The following CEP290 variants were observed in gnomAD, a reference collection of about 807,000 sequenced individuals.
CEP290 encodes the protein centrosomal protein 290, also known as centrosomal protein of 290 kDa.
A neutral mutation model predicts 344.9 loss-of-function variants in CEP290; 317 were observed. That is an observed-to-expected ratio of 0.92 (90% confidence interval 0.84 to 1.01). CEP290 has a LOEUF of 1.01. Ranked by LOEUF, CEP290 falls within the 50% of genes least tolerant of loss-of-function variation. CEP290 has a pLI of 0.00. For synonymous variants in CEP290, 932 were observed against 895.8 expected (o/e 1.04, Z -0.72); for missense variants, 2,754 against 2,761.4 (o/e 1.00, Z 0.06).
rs779186037 is a variant in CEP290, at chr12:88,086,072, T to C, written c.4404A>G (p.Leu1468=). The C allele has an allele frequency of 1.2e-5, 20 of 1,612,644 alleles. No individual in the cohort carries two copies. The Admixed American group carries it at 1.3e-4, about 11-fold the overall frequency. ...RKIKENIRII[L]ETRATCKSLE... ...GTGATTTGCAAGTTGCCCGTGTTTC[T>C]AGAATTATTCGAATGTTCTCCTTAA... The change falls in exon 34 of 54, where the codon CTA becomes CTG. Residue 1468 remains leucine (L), a synonymous_variant. Coordinates refer to ENST00000552810, the MANE Select transcript of CEP290 (RefSeq NM_025114.4).
At chr12:88,097,416 A>C (rs961077324) in intron 26 of CEP290, among the ~76,000 whole-genome samples, 4 of 152,000 alleles carry the variant, frequency 2.6e-5, no homozygotes, top group African/African-American at 9.7e-5. Flanking sequence ...TCCGGCCACC[A>C]TGTGAAGAAA....
chr12:88,135,966 T>C (rs1030301571), intron 6 of CEP290: 2 of 152,002 alleles, frequency 1.3e-5, no homozygotes, highest in African/African-American at 4.8e-5. Flanking sequence ...AAATAGGAAA[T>C]TTTCTTCCAG....
intron 27 of CEP290, 86 bp from the exon 28 acceptor site, chr12:88,094,061 T>TC: frequency 1.9e-6 from 2 of 1,037,294 alleles, no homozygotes; most frequent in Non-Finnish European, 2.7e-6. Context: ...TTAGAAAGCA[T>TC]TATAGTTCCA....
chr12:88,103,039 T>G, intron 25 of CEP290, 28 bp from the exon 26 acceptor site: 1 of 1,445,352 alleles, frequency 6.9e-7, no homozygotes, highest in South Asian at 1.6e-5. Flanking sequence ...CACTGAGTTA[T>G]GCTGGTGTCT....
At chr12:88,061,410 G>A (rs2034471372) in intron 46 of CEP290, among the ~76,000 whole-genome samples, 2 of 151,972 alleles carry the variant, frequency 1.3e-5, no homozygotes, top group Admixed American at 1.3e-4. Flanking sequence ...ACATAATAGA[G>A]GCAATTTTCT....
chr12:88,054,417 T>A lies in CEP290; in HGVS notation c.6961-4A>T, dbSNP rs760630542. On this transcript the variant is annotated splice_region_variant and splice_polypyrimidine_tract_variant and intron_variant, in intron 50 of 53. Coordinates refer to ENST00000552810, the MANE Select transcript of CEP290 (RefSeq NM_025114.4). ...GAACATGTTTAAGAATCTTAATCTT[T>A]GAGGACAATGAAAAGTTAGAAGATA... The A allele has an allele frequency of 6.2e-7, 1 of 1,604,376 alleles. No homozygotes were observed.
intron 32 of CEP290, 112 bp downstream of exon 32, chr12:88,087,668 C>T (rs972192395): frequency 8.7e-6 from 3 of 345,154 alleles, no homozygotes; most frequent in South Asian, 2.9e-4. Context: ...TGCAGTGAGC[C>T]GAGATCACGC....
At chr12:88,060,145 A>C in intron 47 of CEP290, 125 bp from the exon 48 acceptor site, 1 of 862,676 alleles carries the variant, frequency 1.2e-6, no homozygotes, top group East Asian at 2.9e-5. Flanking sequence ...TTAGAATTAA[A>C]GTCTTCATTT....
intron 44 of CEP290, among the ~76,000 whole-genome samples, chr12:88,066,336 G>A (rs1388064125): frequency 6.6e-6 from 1 of 152,168 alleles, no homozygotes; most frequent in Non-Finnish European, 1.5e-5. Context: ...GTCTTGCTCT[G>A]TTGCCCAGTC....
chr12:88,055,707 T>C lies in CEP290; in HGVS notation c.6829A>G (p.Thr2277Ala), dbSNP rs763494907. ...KSIVVTRMYE[T>A]KLKELETDIA... ...TCAGTTTCCAATTCTTTTAACTTGG[T>C]TTCATACATTCTAAAAGTATAAGGA... The change falls in exon 50 of 54, where the codon ACC becomes GCC. Residue 2277 changes from threonine (T) to alanine (A), a missense_variant. Physicochemically the swap from Thr to Ala is moderately conservative, Grantham distance 58. Transcript: ENST00000552810. 6.6e-7 allele frequency: 1 copy of C among 1,523,322 alleles called. No individual in the cohort carries two copies. Among genetic ancestry groups the C allele is most frequent in the Non-Finnish European group, 8.8e-7 (1 of 1,130,892 alleles). The allele number at this position is 1,523,322 out of a possible 1,614,324, so 94.4% of individuals were successfully genotyped here.
At chr12:88,099,026 G>A (rs2037675363) in intron 26 of CEP290, among the ~76,000 whole-genome samples, 2 of 152,192 alleles carry the variant, frequency 1.3e-5, no homozygotes, top group African/African-American at 4.8e-5. Context: ...AGATTTTAAG[G>A]AGGAAGTTTT....
At chr12:88,085,329 A>C (rs568883501) in intron 34 of CEP290, among the ~76,000 whole-genome samples, 13 of 152,128 alleles carry the variant, frequency 8.5e-5, no homozygotes, top group Non-Finnish European at 8.8e-5. Flanking sequence ...AGAAAAAAAC[A>C]GAAAAATTTT....
intron 40 of CEP290, 51 bp downstream of exon 40, chr12:88,077,646 A>G (rs1009029883): frequency 1.5e-5 from 16 of 1,059,956 alleles, no homozygotes; most frequent in Admixed American, 5.3e-5. Context: ...GAAATAAACT[A>G]CTACCTCTAT....
Position 88,125,239 on chromosome 12 carries a change from A to C in CEP290, c.1189+7T>G. The C allele has an allele frequency of 1.3e-6, 1 of 747,206 alleles. No individual in the cohort carries two copies. 46.3% of individuals were successfully genotyped at this position (747,206 alleles called of 1,614,324 possible). On this transcript the variant is annotated splice_region_variant and intron_variant, in intron 13 of 53. Coordinates refer to ENST00000552810, the MANE Select transcript of CEP290 (RefSeq NM_025114.4). ...TATATAAAATAACTATATATTTATAAAAATACCTTTGTTTCTTTGGAGCTC... is the reference window on the plus strand; with the variant it reads ...TATATAAAATAACTATATATTTATACAAATACCTTTGTTTCTTTGGAGCTC...
chr12:88,112,768 G>A (rs1284745616), intron 20 of CEP290, among the ~76,000 whole-genome samples: 1 of 152,086 alleles, frequency 6.6e-6, no homozygotes, highest in Non-Finnish European at 1.5e-5. Context: ...AAGGAGATTA[G>A]AGCAGGTCAT....
intron 5 of CEP290, among the ~76,000 whole-genome samples, chr12:88,138,813 T>G (rs1363773218): frequency 6.6e-6 from 1 of 152,188 alleles, no homozygotes; most frequent in African/African-American, 2.4e-5. Context: ...GCCTTCAGCT[T>G]TGTCAAAAAT....
intron 6 of CEP290, among the ~76,000 whole-genome samples, chr12:88,133,081 T>G (rs2040170398): frequency 6.8e-6 from 1 of 146,424 alleles, no homozygotes; most frequent in Non-Finnish European, 1.5e-5. Flanking sequence ...GGTTTTTTTT[T>G]TTTTTTTTTT....
chr12:88,077,558 A>C (rs35093490), intron 40 of CEP290, 139 bp downstream of exon 40: 1 of 690,146 alleles, frequency 1.4e-6, no homozygotes, highest in South Asian at 2.1e-5. Context: ...AATAGAAGTC[A>C]CAAAAGAAAT....
rs565686862 is a variant in CEP290 at position 88,098,782 on chromosome 12, A to G, written c.2992-1783T>C. Among the ~76,000 whole-genome samples, 1,140 of 152,310 alleles carry G rather than the reference A, an allele frequency of 7.5e-3. 17 individuals carry two copies. The highest frequency in any genetic ancestry group is 0.026 in the African/African-American group (1,096 of 41,570). Reference sequence around the variant, plus strand: ...ATTTATTAGTAAACCCAGATGCTCCAAAGGAAGAAAGCATTTGGAATACTA... The same window carrying G: ...ATTTATTAGTAAACCCAGATGCTCCGAAGGAAGAAAGCATTTGGAATACTA... On this transcript the variant is annotated intron_variant, in intron 26 of 53. Coordinates refer to ENST00000552810, the MANE Select transcript of CEP290 (RefSeq NM_025114.4).
Sources: gnomAD v4.1 joint callset for allele counts (sites outside exome capture counted in the v4.1 genomes callset) on GRCh38, gnomAD v4.1.1 for gene constraint, MANE v1.5 for transcripts, NCBI Gene and HGNC (gene_info 2026-07-23, HGNC 2026-07-21) for gene names.